The following ADGRL3 variants were observed in gnomAD, a reference collection of about 807,000 sequenced individuals.
ADGRL3 encodes calcium-independent alpha-latrotoxin receptor 3.
Under a neutral mutation model 153.5 loss-of-function variants are expected in ADGRL3, and 62 were observed. The ratio of observed to expected loss-of-function variants is 0.40; its 90% CI spans 0.33 to 0.50. The LOEUF is 0.50. Among genes scored for constraint, ADGRL3 ranks in the 20% least tolerant of loss-of-function variants. The pLI, the probability that ADGRL3 is intolerant of heterozygous loss-of-function variation, is 0.47. For missense variants in ADGRL3, 1,641 were observed against 1,859.4 expected, an observed-to-expected ratio of 0.88 and a Z score of 2.16; for synonymous variants, 710 against 672.5, an observed-to-expected ratio of 1.06 and a Z score of -0.86.
At chr4:61,761,202 A>G (rs2096908589) in intron 8 of ADGRL3, among the ~76,000 whole-genome samples, 1 of 152,176 alleles carries the variant, frequency 6.6e-6, no homozygotes, top group African/African-American at 2.4e-5. Context: ...TGACTCCTAA[A>G]CCATAATTTC....
intron 5 of ADGRL3, among the ~76,000 whole-genome samples, chr4:61,623,240 G>A (rs75298357): frequency 0.022 from 3,360 of 152,058 alleles, 213 homozygotes; most frequent in East Asian, 0.17. Context: ...TTCCTCAGTT[G>A]TTCTTGCTTC....
chr4:61,357,966 A>G (rs2096209220), intron 1 of ADGRL3, among the ~76,000 whole-genome samples: 1 of 152,134 alleles, frequency 6.6e-6, no homozygotes, highest in Non-Finnish European at 1.5e-5. Context: ...AATTATGAAC[A>G]ATTTATTTAG....
intron 11 of ADGRL3, among the ~76,000 whole-genome samples, chr4:61,896,850 A>G (rs1453343178): frequency 1.3e-5 from 2 of 152,212 alleles, no homozygotes; most frequent in Non-Finnish European, 2.9e-5. Context: ...CCCCTGGGCA[A>G]ATAACTCTTG....
At chr4:61,641,437 TC>T (rs1342320402) in intron 5 of ADGRL3, among the ~76,000 whole-genome samples, 1 of 72,320 alleles carries the variant, frequency 1.4e-5, no homozygotes, top group Non-Finnish European at 2.5e-5. Flanking sequence ...CCCTCCCCCC[TC>T]CCCCCACCCC....
At chr4:61,478,544 A>G (rs1579085225) in intron 2 of ADGRL3, among the ~76,000 whole-genome samples, 2 of 152,200 alleles carry the variant, frequency 1.3e-5, no homozygotes, top group Non-Finnish European at 1.5e-5. Flanking sequence ...GAACACTGAT[A>G]TTCTCCAGAT....
At chr4:61,232,352 A>T (rs1265171560) in intron 1 of ADGRL3, among the ~76,000 whole-genome samples, 1 of 151,248 alleles carries the variant, frequency 6.6e-6, no homozygotes, top group Non-Finnish European at 1.5e-5. Flanking sequence ...TTTGTTCCCC[A>T]GATTGGAGTG....
rs576540305 is a variant in ADGRL3 at position 61,417,544 on chromosome 4, C to T, written c.-174+34355C>T. The stretch of plus-strand genomic sequence containing the variant: ...AACAAAAAAAATCGAAGAGGTCCTT[C>T]GCCATAGACAGTTTGTGAAGCACTG... On this transcript the variant is annotated intron_variant, in intron 2 of 26. Coordinates refer to ENST00000683033, the MANE Select transcript of ADGRL3 (RefSeq NM_001387552.1). 5.3e-5 allele frequency among the ~76,000 whole-genome samples: 8 copies of T among 150,940 alleles called. No individual in the cohort carries two copies. In the South Asian group the frequency reaches 8.4e-4, roughly 16 times the overall value.
At chr4:62,002,499 G>T (rs1291635383) in intron 21 of ADGRL3, among the ~76,000 whole-genome samples, 1 of 151,180 alleles carries the variant, frequency 6.6e-6, no homozygotes, top group Non-Finnish European at 1.5e-5. Context: ...AACCCCTTTT[G>T]ATTTTAATAG....
chr4:61,702,401 A>G (rs1376962674), intron 6 of ADGRL3, among the ~76,000 whole-genome samples: 2 of 152,214 alleles, frequency 1.3e-5, no homozygotes, highest in Non-Finnish European at 2.9e-5. Context: ...TTCAGTAGCT[A>G]TACAACTTTT....
chr4:61,726,199 C>CTTTTTTTTTTTTTTTTTTTTTTTT lies in ADGRL3; in HGVS notation c.584-4413_584-4412insTTTTTTTTTTTTTTTTTTTTTTTT, dbSNP rs1012113549. Reference sequence around the variant, plus strand: ...TGCTCAAGGGAAATACTCACTGGAACTTTTTTTTTTGTTTTTTGAGAAGGA... The same window carrying CTTTTTTTTTTTTTTTTTTTTTTTT: ...TGCTCAAGGGAAATACTCACTGGAACTTTTTTTTTTTTTTTTTTTTTTTTTTTTTTTTTTGTTTTTTGAGAAGGA... On this transcript the variant is annotated intron_variant, in intron 6 of 26. Coordinates refer to ENST00000683033, the MANE Select transcript of ADGRL3 (RefSeq NM_001387552.1). Among the ~76,000 whole-genome samples, 108 of 82,846 alleles carry CTTTTTTTTTTTTTTTTTTTTTTTT rather than the reference C, an allele frequency of 1.3e-3. 7 individuals carry two copies. Among genetic ancestry groups the CTTTTTTTTTTTTTTTTTTTTTTTT allele is most frequent in the African/African-American group, 1.5e-3 (33 of 22,180 alleles). 54.4% of individuals were successfully genotyped at this position (82,846 alleles called of 152,430 possible).
At chr4:61,741,920 G>A (rs1013249221) in intron 8 of ADGRL3, among the ~76,000 whole-genome samples, 2 of 152,212 alleles carry the variant, frequency 1.3e-5, no homozygotes, top group African/African-American at 4.8e-5. Flanking sequence ...TCATTTATAT[G>A]TGTATTTCAC....
chr4:62,074,038 C>T lies in ADGRL3; in HGVS notation c.*3130C>T, dbSNP rs950464616. 1 of 152,020 alleles carries T rather than the reference C, an allele frequency of 6.6e-6. No homozygotes were observed. Among genetic ancestry groups the T allele is most frequent in the African/African-American group, 2.4e-5 (1 of 41,418 alleles). The allele number at this position is 152,020 out of a possible 1,614,324, so 9.4% of individuals were successfully genotyped here. A position where few individuals can be genotyped will look rare whatever the true frequency, so the allele number is the denominator to read the frequency against. On this transcript the variant is annotated 3_prime_UTR_variant, in exon 27 of 27. Transcript: ENST00000683033. The stretch of plus-strand genomic sequence containing the variant: ...TGAATTCCTGAACTTGAATCTTTTT[C>T]TTCATATACATTTTCTTATAGAGCT...
intron 1 of ADGRL3, among the ~76,000 whole-genome samples, chr4:61,320,488 C>T (rs960957978): frequency 6.6e-6 from 1 of 152,154 alleles, no homozygotes; most frequent in Non-Finnish European, 1.5e-5. Flanking sequence ...GCTGGAGATT[C>T]AGGTAAGAGT....
chr4:61,382,150 G>A (rs1457364552), intron 1 of ADGRL3, among the ~76,000 whole-genome samples: 1 of 151,580 alleles, frequency 6.6e-6, no homozygotes, highest in Non-Finnish European at 1.5e-5. Context: ...CCATTTGGGG[G>A]CAAAATTCTA....
intron 2 of ADGRL3, among the ~76,000 whole-genome samples, chr4:61,490,164 G>C (rs938945228): frequency 5.9e-4 from 89 of 151,998 alleles, no homozygotes; most frequent in African/African-American, 2.1e-3. Flanking sequence ...TGTTGAGTGA[G>C]ATCTTAGCCA....
chr4:61,687,093 A>T (rs1284069434), intron 6 of ADGRL3, among the ~76,000 whole-genome samples: 1 of 151,948 alleles, frequency 6.6e-6, no homozygotes, highest in Non-Finnish European at 1.5e-5. Flanking sequence ...ATGGTAGGAG[A>T]TCATAATTCC....
chr4:61,628,207 A>T (rs1471553932), intron 5 of ADGRL3, among the ~76,000 whole-genome samples: 1 of 152,188 alleles, frequency 6.6e-6, no homozygotes, highest in Non-Finnish European at 1.5e-5. Context: ...AAAAAAACTG[A>T]CACAGAGAGG....
At chr4:61,398,426 T>A (rs2096892620) in intron 2 of ADGRL3, among the ~76,000 whole-genome samples, 1 of 26,158 alleles carries the variant, frequency 3.8e-5, no homozygotes, top group South Asian at 1.4e-3. Context: ...CTGAGATCAG[T>A]TATCTTTTTT....
At chr4:62,007,443 CACACATATATATACATATAT>C (rs2099165103) in intron 21 of ADGRL3, among the ~76,000 whole-genome samples, 2 of 127,272 alleles carry the variant, frequency 1.6e-5, no homozygotes, top group Non-Finnish European at 3.2e-5. Context: ...TATATATACA[CACACATATATATACATATAT>C]GTGTGTGTAT....
Sources: gnomAD v4.1 joint callset for allele counts (sites outside exome capture counted in the v4.1 genomes callset) on GRCh38, gnomAD v4.1.1 for gene constraint, MANE v1.5 for transcripts, NCBI Gene and HGNC (gene_info 2026-07-23, HGNC 2026-07-21) for gene names.